NELL1: variants seen among roughly 807,000 people sequenced by gnomAD.
NELL1 encodes neural EGFL like 1.
NELL1 carries 76 observed loss-of-function variants against 107.4 expected under a neutral mutation model. That is an observed-to-expected ratio of 0.71 (90% CI 0.59 to 0.86). The LOEUF is 0.86. Among genes scored for constraint, NELL1 ranks in the 40% least tolerant of loss-of-function variants. NELL1 has a pLI of 0.00. For synonymous variants in NELL1, 353 were observed against 341.2 expected, an observed-to-expected ratio of 1.03 and a Z score of -0.38; for missense variants, 1,024 against 1,005.5, an observed-to-expected ratio of 1.02 and a Z score of -0.25.
At chr11:21,251,992 C>G (rs1454008) in intron 14 of NELL1, among the ~76,000 whole-genome samples, 45,986 of 152,032 alleles carry the variant, frequency 0.3, 8,304 homozygotes, top group Non-Finnish European at 0.41. Flanking sequence ...TGCACACAGG[C>G]ACACACAGAA....
intron 2 of NELL1, among the ~76,000 whole-genome samples, chr11:20,775,235 A>G (rs1375680692): frequency 2.6e-5 from 4 of 152,234 alleles, no homozygotes; most frequent in South Asian, 2.1e-4. Context: ...TCTATCTGCT[A>G]TGCATCACAA....
intron 12 of NELL1, among the ~76,000 whole-genome samples, chr11:21,109,129 A>G (rs1855043714): frequency 6.6e-6 from 1 of 152,070 alleles, no homozygotes; most frequent in African/African-American, 2.4e-5. Flanking sequence ...CGTGGCATGG[A>G]GATACCTACC....
intron 13 of NELL1, among the ~76,000 whole-genome samples, chr11:21,120,470 C>A (rs573005410): frequency 1.3e-5 from 2 of 152,048 alleles, no homozygotes; most frequent in Non-Finnish European, 2.9e-5. Flanking sequence ...AGCAAAATGG[C>A]AAATTTTCCA....
At chr11:21,383,800 T>C (rs944742874) in intron 15 of NELL1, 1 of 151,602 alleles carries the variant, frequency 6.6e-6, no homozygotes, top group Non-Finnish European at 1.5e-5. Context: ...TCAAAATGCT[T>C]TTTTTACAAT....
intron 13 of NELL1, among the ~76,000 whole-genome samples, chr11:21,149,030 A>G (rs2133783424): frequency 6.6e-6 from 1 of 152,252 alleles, no homozygotes; most frequent in Non-Finnish European, 1.5e-5. Flanking sequence ...GTATCAGGGA[A>G]AATTATAGGT....
chr11:20,808,909 C>T (rs1478789176), intron 3 of NELL1, among the ~76,000 whole-genome samples: 1 of 152,218 alleles, frequency 6.6e-6, no homozygotes, highest in Non-Finnish European at 1.5e-5. Context: ...GTCTTTCCTA[C>T]CTTCTTCAGT....
At chr11:20,952,170 C>T (rs1225956009) in intron 11 of NELL1, among the ~76,000 whole-genome samples, 2 of 152,044 alleles carry the variant, frequency 1.3e-5, no homozygotes, top group Non-Finnish European at 2.9e-5. Flanking sequence ...GGGTTTTATT[C>T]CCCTGGTAAT....
At chr11:21,358,404 G>A (rs181289900) in intron 14 of NELL1, among the ~76,000 whole-genome samples, 13 of 151,126 alleles carry the variant, frequency 8.6e-5, no homozygotes, top group African/African-American at 2.4e-4. Context: ...TTTTTGTTTT[G>A]TTTTGTTTTT....
chr11:20,975,915 A>G (rs1564995601), intron 12 of NELL1, among the ~76,000 whole-genome samples: 1 of 133,920 alleles, frequency 7.5e-6, no homozygotes, highest in African/African-American at 2.7e-5. Flanking sequence ...TGTATTATAT[A>G]AACACACATA....
At chr11:20,904,526 G>T (rs61880437) in intron 5 of NELL1, among the ~76,000 whole-genome samples, 4,303 of 152,220 alleles carry the variant, frequency 0.028, 118 homozygotes, top group East Asian at 0.16. Context: ...AAGAGAAAAT[G>T]CTGGAAAAAG....
intron 14 of NELL1, among the ~76,000 whole-genome samples, chr11:21,248,170 C>T (rs983931544): frequency 3.3e-5 from 5 of 152,032 alleles, no homozygotes; most frequent in Non-Finnish European, 2.9e-5. Flanking sequence ...CATGACAAAA[C>T]TCCATCTCTA....
intron 12 of NELL1, among the ~76,000 whole-genome samples, chr11:20,991,991 C>CGTA (rs1851986006): frequency 7.2e-4 from 79 of 110,048 alleles, no homozygotes; most frequent in Non-Finnish European, 1.1e-3. Flanking sequence ...GTGTAGCATG[C>CGTA]AAAAAAAAAA....
intron 12 of NELL1, among the ~76,000 whole-genome samples, chr11:20,992,746 C>G (rs1424924990): frequency 8.5e-6 from 1 of 118,074 alleles, no homozygotes; most frequent in Non-Finnish European, 1.7e-5. Context: ...CAGAGTTTCT[C>G]TCCTGTTACC....
chr11:21,253,677 C>T lies in NELL1; in HGVS notation c.1549+24223C>T, dbSNP rs115221846. 5.1e-3 allele frequency among the ~76,000 whole-genome samples: 773 copies of T among 152,208 alleles called. 4 individuals carry two copies. Among genetic ancestry groups the T allele is most frequent in the African/African-American group, 0.017 (711 of 41,552 alleles). On this transcript the variant is annotated intron_variant, in intron 14 of 19. Transcript: ENST00000357134. ...GTTTCATTGGCAAAACAGCCAGTTC[C>T]ATATTAGACAAATTGGGATAGAACA...
At chr11:21,284,088 A>G (rs767257602) in intron 14 of NELL1, 2 of 375,004 alleles carry the variant, frequency 5.3e-6, no homozygotes, top group Admixed American at 3.2e-5. Context: ...GAGGAAATTC[A>G]TAATGCCATC....
At chr11:20,821,850 T>C (rs1857761656) in intron 3 of NELL1, among the ~76,000 whole-genome samples, 1 of 152,226 alleles carries the variant, frequency 6.6e-6, no homozygotes, top group African/African-American at 2.4e-5. Flanking sequence ...TGTATGTTAC[T>C]GGGGAGCACT....
intron 5 of NELL1, among the ~76,000 whole-genome samples, chr11:20,904,907 C>T (rs1590400393): frequency 6.6e-6 from 1 of 152,016 alleles, no homozygotes; most frequent in South Asian, 2.1e-4. Context: ...TGGCTCACTG[C>T]AGCCTTGACC....
At chr11:20,845,819 ACTTC>A (rs1848693623) in intron 3 of NELL1, among the ~76,000 whole-genome samples, 1 of 152,110 alleles carries the variant, frequency 6.6e-6, no homozygotes, top group South Asian at 2.1e-4. Flanking sequence ...GACATATTTT[ACTTC>A]CTTCTTCACT....
chr11:20,722,015 CTCTCT>C (rs1236230433), intron 2 of NELL1, among the ~76,000 whole-genome samples: 3 of 53,860 alleles, frequency 5.6e-5, no homozygotes, highest in Non-Finnish European at 1.6e-4. Flanking sequence ...CTTTCTGAGT[CTCTCT>C]TTTTTTTTTT....
Sources: gnomAD v4.1 joint callset for allele counts (sites outside exome capture counted in the v4.1 genomes callset) on GRCh38, gnomAD v4.1.1 for gene constraint, MANE v1.5 for transcripts, NCBI Gene and HGNC (gene_info 2026-07-23, HGNC 2026-07-21) for gene names.